TTLL9: variants seen among roughly 807,000 people sequenced by gnomAD.
TTLL9 encodes the protein tubulin tyrosine ligase like 9, also known as probable tubulin polyglutamylase TTLL9.
Under a neutral mutation model 65.6 loss-of-function variants are expected in TTLL9, and 47 were observed. The ratio of observed to expected loss-of-function variants is 0.72; its 90% confidence interval spans 0.57 to 0.91. The LOEUF (loss-of-function observed/expected upper bound fraction) is 0.91. TTLL9 is among the 40% of genes least tolerant of loss of function. The pLI, the probability that TTLL9 is intolerant of heterozygous loss-of-function variation, is 0.00. For missense variants in TTLL9, 537 were observed against 568.8 expected (o/e 0.94, Z 0.57); for synonymous variants, 179 against 204.8 (o/e 0.87, Z 1.07).
intron 11 of TTLL9, 54 bp downstream of exon 11, chr20:31,933,912 G>C: frequency 6.5e-7 from 1 of 1,534,860 alleles, no homozygotes; most frequent in Non-Finnish European, 8.8e-7. Flanking sequence ...CGCCAGGTCG[G>C]GGTGGGGAGG....
chr20:31,915,121 T>G (rs1235936678), intron 6 of TTLL9, among the ~76,000 whole-genome samples: 1 of 152,230 alleles, frequency 6.6e-6, no homozygotes, highest in African/African-American at 2.4e-5. Flanking sequence ...CACTGTGATC[T>G]CTTTAGATGG....
At chr20:31,912,834 T>G (rs1421105033) in intron 6 of TTLL9, among the ~76,000 whole-genome samples, 1 of 151,988 alleles carries the variant, frequency 6.6e-6, no homozygotes, top group African/African-American at 2.4e-5. Context: ...ATGAAGCCCC[T>G]CCCCATGCTA....
intron 10 of TTLL9, among the ~76,000 whole-genome samples, chr20:31,931,369 G>A (rs1299087488): frequency 5.3e-5 from 8 of 151,790 alleles, no homozygotes; most frequent in East Asian, 1.9e-4. Context: ...TCGACTTCCC[G>A]GGCTCAAATG....
chr20:31,895,264 A>G (rs2063365836), intron 3 of TTLL9, among the ~76,000 whole-genome samples: 1 of 152,202 alleles, frequency 6.6e-6, no homozygotes, highest in Non-Finnish European at 1.5e-5. Context: ...TGGCGAGTTC[A>G]GTAGCAGATT....
chr20:31,933,403 C>G (rs2064053251), intron 10 of TTLL9, among the ~76,000 whole-genome samples: 1 of 151,288 alleles, frequency 6.6e-6, no homozygotes, highest in African/African-American at 2.4e-5. Flanking sequence ...CTTGTTAGAA[C>G]CACTCCTCTT....
chr20:31,873,795 AGG>A (rs1263295546), intron 2 of TTLL9, among the ~76,000 whole-genome samples: 10 of 103,634 alleles, frequency 9.6e-5, no homozygotes, highest in African/African-American at 2.3e-4. Context: ...AAAGAAAGAA[AGG>A]AAGGAAGGAA....
intron 2 of TTLL9, among the ~76,000 whole-genome samples, chr20:31,879,240 G>A (rs1023859867): frequency 6.6e-6 from 1 of 152,220 alleles, no homozygotes; most frequent in Non-Finnish European, 1.5e-5. Context: ...AGGATCACTT[G>A]AGCCCAGGAG....
In TTLL9 at chr20:31,905,246, T is replaced by G. The variant is rs186635814; in HGVS notation, c.207-3345T>G. On this transcript the variant is annotated intron_variant, in intron 4 of 14. Coordinates refer to ENST00000535842, the MANE Select transcript of TTLL9 (RefSeq NM_001008409.5). ...CCACCACGCTGGGCTAGTTTTTGTG[T>G]TTTTTTTTAGCAGAGACGGGGTTTC... 4.3e-3 allele frequency among the ~76,000 whole-genome samples: 643 copies of G among 150,178 alleles called. 6 individuals are homozygous for G. Among genetic ancestry groups the G allele is most frequent in the African/African-American group, 0.015 (599 of 40,390 alleles).
intron 6 of TTLL9, among the ~76,000 whole-genome samples, chr20:31,916,181 G>A (rs1568802738): frequency 6.6e-6 from 1 of 152,214 alleles, no homozygotes; most frequent in Non-Finnish European, 1.5e-5. Context: ...GCTGGGTTCT[G>A]AGGGCAACCA....
intron 2 of TTLL9, among the ~76,000 whole-genome samples, chr20:31,878,651 ATTCC>A (rs1407451044): frequency 2.0e-5 from 3 of 152,056 alleles, no homozygotes; most frequent in Non-Finnish European, 4.4e-5. Context: ...GACTCCCTGA[ATTCC>A]TTCCCCATTT....
At chr20:31,878,803 A>G (rs768597863) in intron 2 of TTLL9, among the ~76,000 whole-genome samples, 2 of 152,250 alleles carry the variant, frequency 1.3e-5, no homozygotes, top group Non-Finnish European at 2.9e-5. Context: ...TCTGCAAATG[A>G]TAACTTTGTC....
intron 6 of TTLL9, 66 bp from the exon 7 acceptor site, chr20:31,919,798 G>A: frequency 7.4e-7 from 1 of 1,346,842 alleles, no homozygotes; most frequent in Non-Finnish European, 1.0e-6. Flanking sequence ...AGAGCCCCCA[G>A]CCACGGGGGC....
chr20:31,908,206 C>T (rs1037655760), intron 4 of TTLL9, among the ~76,000 whole-genome samples: 4 of 148,462 alleles, frequency 2.7e-5, no homozygotes, highest in African/African-American at 7.9e-5. Context: ...GGGCTGCACG[C>T]GTGGCAACTG....
chr20:31,940,062 A>T (rs1021813417), intron 14 of TTLL9: 1 of 152,234 alleles, frequency 6.6e-6, no homozygotes, highest in Non-Finnish European at 1.5e-5. Context: ...TACCATGATG[A>T]ACATCCTTTC....
Position 31,870,848 on chromosome 20 carries a change from C to T in TTLL9, c.-107C>T. On this transcript the variant is annotated 5_prime_UTR_variant, in exon 1 of 15. Transcript: ENST00000535842. The surrounding 1 kb of genome is among the most constrained non-coding windows in gnomAD (Gnocchi z 6.6). ...CGTCCCTGCGGGCCCCGGGGGAAAG[C>T]ACCCAACTTCTCCCGCCTCGGCTTC... 1 of 547,904 alleles carries T rather than the reference C, an allele frequency of 1.8e-6. No individual in the cohort carries two copies. Among genetic ancestry groups the T allele is most frequent in the East Asian group, 3.1e-5 (1 of 32,676 alleles). 33.9% of individuals were successfully genotyped at this position (547,904 alleles called of 1,614,324 possible). A position where few individuals can be genotyped will look rare whatever the true frequency, so the allele number is the denominator to read the frequency against.
At chr20:31,931,814 A>G (rs2064017563) in intron 10 of TTLL9, among the ~76,000 whole-genome samples, 1 of 152,138 alleles carries the variant, frequency 6.6e-6, no homozygotes, top group African/African-American at 2.4e-5. Flanking sequence ...ATTTACAAAT[A>G]TTTTTTCTCA....
rs1381098854 is a variant in TTLL9, at chr20:31,879,418, G to GATTA, written c.70-7777_70-7774dup. 3.5e-5 allele frequency: 6 copies of GATTA among 170,312 alleles called. No individual in the cohort carries two copies. In the East Asian group the frequency reaches 8.3e-4, roughly 24 times the overall value. The allele number at this position is 170,312 out of a possible 1,614,324, so 10.6% of individuals were successfully genotyped here. A position where few individuals can be genotyped will look rare whatever the true frequency, so the allele number is the denominator to read the frequency against. On this transcript the variant is annotated intron_variant, in intron 2 of 14. Transcript: ENST00000535842. The stretch of plus-strand genomic sequence containing the variant: ...ATGTTGGTGAGGCTATAGCCCTTAA[G>GATTA]ATTAGAAAGCGGCTGGGATAGCAGA...
intron 10 of TTLL9, among the ~76,000 whole-genome samples, chr20:31,932,833 C>T (rs2123617562): frequency 6.6e-6 from 1 of 152,210 alleles, no homozygotes; most frequent in African/African-American, 2.4e-5. Flanking sequence ...CCCATCTCTA[C>T]TAAAAATACA....
In TTLL9 at chr20:31,938,901, C is replaced by CA. The variant is rs60846310; in HGVS notation, c.1119-233dup. ...CAAAACAAGAACAAAAACAAACAAA[C>CA]AAAAAAAACAAATAGGGGCATGTTA... is the stretch of plus-strand genomic sequence containing the variant. On this transcript the variant is annotated intron_variant, in intron 13 of 14. Coordinates refer to ENST00000535842, the MANE Select transcript of TTLL9 (RefSeq NM_001008409.5). Among the ~76,000 whole-genome samples, 341 of 151,488 alleles carry CA rather than the reference C, an allele frequency of 2.3e-3. 1 individual carries two copies. The highest frequency in any genetic ancestry group is 7.7e-3 in the African/African-American group (316 of 41,280).
Sources: allele counts gnomAD v4.1 joint callset (sites outside exome capture counted in the v4.1 genomes callset), GRCh38; gene constraint gnomAD v4.1.1; non-coding constraint Gnocchi (gnomAD v3.1); transcripts MANE v1.5; gene names NCBI Gene and HGNC (gene_info 2026-07-23, HGNC 2026-07-21).